B3GAT1: variants seen among roughly 807,000 people sequenced by gnomAD.
The protein encoded by B3GAT1 is beta-1,3-glucuronyltransferase 1.
B3GAT1 carries 11 observed loss-of-function variants against 28.4 expected under a neutral mutation model. The ratio of observed to expected loss-of-function variants is 0.39; its 90% confidence interval spans 0.24 to 0.64. B3GAT1 has a LOEUF of 0.64. Ranked by LOEUF, B3GAT1 falls within the 30% of genes least tolerant of loss-of-function variation. The probability of loss-of-function intolerance (pLI) is 0.50; values close to 1 mark genes in which losing one functional copy is unlikely to be tolerated. For synonymous variants in B3GAT1, 255 were observed against 223.1 expected (o/e 1.14, Z -1.27); for missense variants, 375 against 491.0 (o/e 0.76, Z 2.23).
At chr11:134,382,592 G>T in intron 4 of B3GAT1, 118 bp downstream of exon 4, 6 of 1,240,390 alleles carry the variant, frequency 4.8e-6, no homozygotes, top group Non-Finnish European at 6.6e-6. Flanking sequence ...TCCTGGGAGG[G>T]GGTTCCAGAA....
chr11:134,385,166 A>G (rs992351522), intron 2 of B3GAT1: 7 of 152,268 alleles, frequency 4.6e-5, no homozygotes, highest in African/African-American at 1.4e-4. Flanking sequence ...ATGAGTCCAC[A>G]AGGGCTGAGA....
At chr11:134,392,414 G>A (rs887792773) in intron 1 of B3GAT1, 4 of 152,636 alleles carry the variant, frequency 2.6e-5, no homozygotes, top group African/African-American at 9.6e-5. Context: ...CTGTCACCCA[G>A]GCTGGAGTAC....
chr11:134,388,240 C>A, intron 1 of B3GAT1: 1 of 245,822 alleles, frequency 4.1e-6, no homozygotes, highest in African/African-American at 2.2e-5. Flanking sequence ...GCTGTAAGAC[C>A]TTTGCCAAGT....
At chr11:134,404,673 C>G (rs540187399) in intron 1 of B3GAT1, among the ~76,000 whole-genome samples, 1 of 152,186 alleles carries the variant, frequency 6.6e-6, no homozygotes, top group Admixed American at 6.5e-5. Context: ...GCTCCAGGTA[C>G]GCCACTCGGA....
chr11:134,405,128 C>T (rs1015519822), intron 1 of B3GAT1, among the ~76,000 whole-genome samples: 4 of 152,218 alleles, frequency 2.6e-5, no homozygotes, highest in Non-Finnish European at 5.9e-5. Context: ...TATGCACCTA[C>T]GGCCTGCCAG....
intron 1 of B3GAT1, among the ~76,000 whole-genome samples, chr11:134,397,348 G>A (rs1204686299): frequency 6.6e-6 from 1 of 152,170 alleles, no homozygotes; most frequent in Non-Finnish European, 1.5e-5. Context: ...GGCACTCAGG[G>A]ATGCCTGCCC....
intron 2 of B3GAT1, 21 bp from the exon 3 acceptor site, chr11:134,384,209 C>A: frequency 6.6e-7 from 1 of 1,521,040 alleles, no homozygotes; most frequent in Non-Finnish European, 8.8e-7. Flanking sequence ...GGGAGACCGG[C>A]GATGTGGGAG....
intron 2 of B3GAT1, chr11:134,384,842 T>A (rs1158513718): frequency 2.0e-5 from 3 of 152,252 alleles, no homozygotes. Flanking sequence ...AAGGTATATG[T>A]AGATCTAGCA....
intron 1 of B3GAT1, among the ~76,000 whole-genome samples, chr11:134,395,368 C>T (rs1299638015): frequency 6.6e-6 from 1 of 151,948 alleles, no homozygotes; most frequent in Non-Finnish European, 1.5e-5. Context: ...CCATGGAAGA[C>T]CCCAGAGAGG....
intron 1 of B3GAT1, among the ~76,000 whole-genome samples, chr11:134,404,086 T>C (rs1398270016): frequency 3.4e-5 from 5 of 147,840 alleles, no homozygotes; most frequent in Non-Finnish European, 7.4e-5. Context: ...TTGTTACATA[T>C]GTATACATGT....
chr11:134,404,980 G>C (rs955498810), intron 1 of B3GAT1, among the ~76,000 whole-genome samples: 2 of 152,170 alleles, frequency 1.3e-5, no homozygotes, highest in African/African-American at 4.8e-5. Flanking sequence ...CCGGTCCCTT[G>C]GCCTCTCTGG....
chr11:134,387,723 C>A lies in B3GAT1; in HGVS notation c.-64G>T, dbSNP rs140143910. The stretch of plus-strand genomic sequence containing the variant: ...AGTGGCGGTAAGTTCAGGAGAGGGG[C>A]GGCCACGGGCGGCGGCAGCACAGGG... On this transcript the variant is annotated 5_prime_UTR_variant, in exon 2 of 6. Transcript: ENST00000312527. 2 of 1,600,610 alleles carry A rather than the reference C, an allele frequency of 1.2e-6. No individual in the cohort carries two copies. Among genetic ancestry groups the A allele is most frequent in the African/African-American group, 1.3e-5 (1 of 74,682 alleles).
Position 134,385,341 on chromosome 11 carries a change from C to T in B3GAT1, c.113-1153G>A, listed in dbSNP as rs562079562. 3 of 152,468 alleles carry T rather than the reference C, an allele frequency of 2.0e-5. No individual in the cohort carries two copies. The East Asian group carries it at 5.8e-4, about 29-fold the overall frequency. 9.4% of individuals were successfully genotyped at this position (152,468 alleles called of 1,614,324 possible). On this transcript the variant is annotated intron_variant, in intron 2 of 5. Transcript: ENST00000312527. ...TCCCTCCGGCCACTGTCATCGGCAG[C>T]ATGTGGGGTGTGTGGCACGCTAGCG...
intron 1 of B3GAT1, among the ~76,000 whole-genome samples, chr11:134,399,696 A>G (rs1032998742): frequency 1.3e-5 from 2 of 152,134 alleles, no homozygotes; most frequent in Admixed American, 1.3e-4. Context: ...GACCCTCTCT[A>G]CAGAGGAGGC....
Position 134,412,156 on chromosome 11 carries a change from AG to A in B3GAT1, c.-632del, listed in dbSNP as rs1565463120. On this transcript the variant is annotated 5_prime_UTR_variant, in exon 1 of 6. Coordinates refer to ENST00000312527, the MANE Select transcript of B3GAT1 (RefSeq NM_054025.3). ...AGCGGGCGCGGGGGCGAGAGGGGCG[AG>A]GGGGGCGCGCGGCCGGAGCCGAGCC... is the stretch of plus-strand genomic sequence containing the variant. Among the ~76,000 whole-genome samples the A allele has an allele frequency of 2.6e-5, 2 of 77,302 alleles. No homozygotes were observed. Among genetic ancestry groups the A allele is most frequent in the Admixed American group, 1.3e-4 (1 of 7,700 alleles). 50.7% of individuals were successfully genotyped at this position (77,302 alleles called of 152,430 possible).
chr11:134,409,847 G>A (rs1390406260), intron 1 of B3GAT1: 1 of 152,354 alleles, frequency 6.6e-6, no homozygotes, highest in Non-Finnish European at 1.5e-5. Context: ...TCCTCCTCCT[G>A]AGCCCGTTCC....
At chr11:134,407,382 G>A (rs905276743) in intron 1 of B3GAT1, among the ~76,000 whole-genome samples, 10 of 152,222 alleles carry the variant, frequency 6.6e-5, no homozygotes, top group African/African-American at 1.4e-4. Context: ...TCCCCACGCC[G>A]TGCCGTCATG....
At chr11:134,395,574 G>T (rs569140467) in intron 1 of B3GAT1, among the ~76,000 whole-genome samples, 1 of 152,212 alleles carries the variant, frequency 6.6e-6, no homozygotes, top group East Asian at 1.9e-4. Context: ...TGTGGGACTG[G>T]CAAGTAGTCC....
intron 1 of B3GAT1, chr11:134,391,102 G>A (rs1454675412): frequency 6.6e-6 from 1 of 152,238 alleles, no homozygotes; most frequent in Non-Finnish European, 1.5e-5. Flanking sequence ...AGAAAAGGGA[G>A]GGGGAGAGAG....
Sources: gnomAD v4.1 joint callset for allele counts (sites outside exome capture counted in the v4.1 genomes callset) on GRCh38, gnomAD v4.1.1 for gene constraint, MANE v1.5 for transcripts, NCBI Gene and HGNC (gene_info 2026-07-23, HGNC 2026-07-21) for gene names.